CNTNAP5: variants seen among roughly 807,000 people sequenced by gnomAD.
CNTNAP5 encodes the protein contactin associated protein family member 5.
Under a neutral mutation model 150.2 loss-of-function variants are expected in CNTNAP5, and 72 were observed. The ratio of observed to expected loss-of-function variants is 0.48; its 90% confidence interval spans 0.40 to 0.58. The LOEUF is 0.58. CNTNAP5 is among the 20% of genes least tolerant of loss of function. The pLI, the probability that CNTNAP5 is intolerant of heterozygous loss-of-function variation, is 0.00. For synonymous variants in CNTNAP5, 672 were observed against 619.8 expected (o/e 1.08, Z -1.25); for missense variants, 1,636 against 1,626.2 (o/e 1.01, Z -0.10).
intron 1 of CNTNAP5, among the ~76,000 whole-genome samples, chr2:124,084,926 T>TTTTTTTTTTTTG (rs1682647490): frequency 2.3e-5 from 3 of 128,096 alleles, no homozygotes; most frequent in Non-Finnish European, 5.0e-5. Context: ...AGTTTCCTGT[T>TTTTTTTTTTTTG]TTTTTTTTTT....
At chr2:124,489,889 T>G (rs1240667402) in intron 7 of CNTNAP5, among the ~76,000 whole-genome samples, 1 of 152,112 alleles carries the variant, frequency 6.6e-6, no homozygotes, top group Admixed American at 6.5e-5. Context: ...TCCCATCCAA[T>G]GCTCCTTCCA....
intron 6 of CNTNAP5, among the ~76,000 whole-genome samples, chr2:124,453,130 AT>A (rs1693029007): frequency 6.6e-6 from 1 of 152,108 alleles, no homozygotes; most frequent in South Asian, 2.1e-4. Context: ...TAAAAAAAAA[AT>A]CATGCAAGAA....
At chr2:124,750,982 C>CAAAAAA (rs745635606) in intron 14 of CNTNAP5, among the ~76,000 whole-genome samples, 7 of 75,434 alleles carry the variant, frequency 9.3e-5, no homozygotes, top group East Asian at 5.8e-4. Context: ...GACTCCATCT[C>CAAAAAA]AAAAAAAAAA....
intron 2 of CNTNAP5, among the ~76,000 whole-genome samples, chr2:124,233,172 T>A (rs1272153274): frequency 6.6e-6 from 1 of 152,116 alleles, no homozygotes; most frequent in African/African-American, 2.4e-5. Flanking sequence ...GTGGCAGCAT[T>A]GTCCTGGAAC....
At chr2:124,075,911 G>A (rs1682425576) in intron 1 of CNTNAP5, among the ~76,000 whole-genome samples, 1 of 152,114 alleles carries the variant, frequency 6.6e-6, no homozygotes, top group Admixed American at 6.6e-5. Flanking sequence ...ATTGAGCCAT[G>A]TTTTTGGAGG....
chr2:124,061,529 G>A (rs754804175), intron 1 of CNTNAP5, among the ~76,000 whole-genome samples: 4 of 152,108 alleles, frequency 2.6e-5, no homozygotes, highest in African/African-American at 7.2e-5. Flanking sequence ...TTTCCTAAAA[G>A]AAAGAAGACC....
At chr2:124,170,890 G>A (rs1437367640) in intron 1 of CNTNAP5, among the ~76,000 whole-genome samples, 1 of 151,980 alleles carries the variant, frequency 6.6e-6, no homozygotes, top group East Asian at 1.9e-4. Context: ...TTCTAGCTGT[G>A]TGACCTTGCA....
chr2:124,227,803 AT>A (rs1454074516), intron 2 of CNTNAP5, among the ~76,000 whole-genome samples: 6 of 151,822 alleles, frequency 4.0e-5, no homozygotes, highest in African/African-American at 1.5e-4. Context: ...TAATATTGGA[AT>A]AAAATTGCTA....
intron 8 of CNTNAP5, among the ~76,000 whole-genome samples, chr2:124,519,853 A>G (rs554965562): frequency 6.6e-6 from 1 of 152,308 alleles, no homozygotes; most frequent in African/African-American, 2.4e-5. Context: ...AGGGCAGCCT[A>G]TTTAACTCTC....
chr2:124,716,917 G>A (rs1385677181), intron 13 of CNTNAP5, among the ~76,000 whole-genome samples: 2 of 152,102 alleles, frequency 1.3e-5, no homozygotes, highest in Non-Finnish European at 2.9e-5. Context: ...CAAAACTTCT[G>A]TGGTATTCAA....
rs60854804 is a variant in CNTNAP5, at chr2:124,350,125, G to C, written c.382-67318G>C. Among the ~76,000 whole-genome samples the C allele has an allele frequency of 3.1e-3, 473 of 151,750 alleles. 21 individuals carry two copies. The East Asian group carries it at 0.074, about 24-fold the overall frequency. ...TCTTGATCTCTTAACCTCGTGATCC[G>C]CCCGCCTTTGCCTCCCAAAGTACTG... On this transcript the variant is annotated intron_variant, in intron 3 of 23. Transcript: ENST00000682447.
chr2:124,687,256 C>T (rs949514028), intron 13 of CNTNAP5, among the ~76,000 whole-genome samples: 4 of 151,786 alleles, frequency 2.6e-5, no homozygotes, highest in African/African-American at 9.7e-5. Flanking sequence ...GCTTGAAGAG[C>T]CTGAGCACTG....
intron 9 of CNTNAP5, among the ~76,000 whole-genome samples, chr2:124,526,551 G>A (rs573711852): frequency 7.9e-5 from 12 of 152,162 alleles, no homozygotes; most frequent in Non-Finnish European, 1.5e-4. Context: ...TCATATACCT[G>A]CAAGGCTCTA....
At chr2:124,118,075 A>AT (rs901389893) in intron 1 of CNTNAP5, among the ~76,000 whole-genome samples, 19 of 151,626 alleles carry the variant, frequency 1.3e-4, no homozygotes, top group East Asian at 1.9e-4. Flanking sequence ...TGGTCTAGGT[A>AT]TTTTTTTTTA....
intron 3 of CNTNAP5, among the ~76,000 whole-genome samples, chr2:124,324,723 A>T (rs1689175774): frequency 6.6e-6 from 1 of 152,220 alleles, no homozygotes; most frequent in African/African-American, 2.4e-5. Context: ...ATTACTGATC[A>T]GACAGAGAAG....
chr2:124,811,782 A>C (rs1279172234), intron 19 of CNTNAP5, among the ~76,000 whole-genome samples: 2 of 149,808 alleles, frequency 1.3e-5, no homozygotes, highest in Non-Finnish European at 2.9e-5. Context: ...CTGTACTAAA[A>C]ATACAAAAAG....
chr2:124,736,098 C>T lies in CNTNAP5; in HGVS notation c.2078-11131C>T, dbSNP rs554070025. On this transcript the variant is annotated intron_variant, in intron 13 of 23. Coordinates refer to ENST00000682447, the MANE Select transcript of CNTNAP5 (RefSeq NM_001367498.1). ...TACAAAAATTAGCTGGGCATGATGA[C>T]GGGTGCCTGTAATCCCAGCTATTCG... Among the ~76,000 whole-genome samples, 153 of 152,142 alleles carry T rather than the reference C, an allele frequency of 1.0e-3. 1 individual carries two copies. The highest frequency in any genetic ancestry group is 1.9e-3 in the Non-Finnish European group (126 of 68,006).
chr2:124,613,575 G>A (rs987143912), intron 12 of CNTNAP5, among the ~76,000 whole-genome samples: 1 of 152,208 alleles, frequency 6.6e-6, no homozygotes, highest in African/African-American at 2.4e-5. Context: ...TGGATGTCAT[G>A]GGACTGAAGA....
At chr2:124,767,013 C>A (rs1020946016) in intron 16 of CNTNAP5, among the ~76,000 whole-genome samples, 2 of 152,058 alleles carry the variant, frequency 1.3e-5, no homozygotes, top group Non-Finnish European at 2.9e-5. Context: ...GGGAAAAGAC[C>A]AAAGTGGGAT....
Sources: gnomAD v4.1 joint callset for allele counts (sites outside exome capture counted in the v4.1 genomes callset) on GRCh38, gnomAD v4.1.1 for gene constraint, MANE v1.5 for transcripts, NCBI Gene and HGNC (gene_info 2026-07-23, HGNC 2026-07-21) for gene names.